Variants in CDYL observed in about 807,000 individuals in gnomAD.
The protein encoded by CDYL is chromodomain Y like.
In CDYL, 8 loss-of-function variants were observed where a neutral mutation model predicts 47.3. The observed-to-expected ratio is 0.17, with a 90% CI of 0.10 to 0.31. CDYL has a LOEUF of 0.31. CDYL is among the 10% of genes least tolerant of loss of function. CDYL has a pLI of 1.00. For synonymous variants in CDYL, 266 were observed against 265.0 expected (o/e 1.00, Z -0.04); for missense variants, 471 against 701.4 (o/e 0.67, Z 3.71).
At chr6:4,825,158 A>G (rs947624446) in intron 1 of CDYL, among the ~76,000 whole-genome samples, 1 of 152,164 alleles carries the variant, frequency 6.6e-6, no homozygotes, top group Non-Finnish European at 1.5e-5. Flanking sequence ...GGCATGAATC[A>G]CCGTGCCCCA....
chr6:4,722,411 T>A (rs530921030), intron 2 of CDYL, among the ~76,000 whole-genome samples: 3 of 151,790 alleles, frequency 2.0e-5, no homozygotes, highest in South Asian at 4.2e-4. Flanking sequence ...AAAGAAAAAA[T>A]TTAAAAAAAC....
chr6:4,894,863 GTATATACACACATGTGTATGTGTGTGTA>G (rs1762153710), intron 2 of CDYL, among the ~76,000 whole-genome samples: 1 of 27,760 alleles, frequency 3.6e-5, no homozygotes, highest in African/African-American at 5.7e-5. Context: ...GTGTATATGT[GTATATACACACATGTGTATGTGTGTGTA>G]TATATACACA....
intron 4 of CDYL, among the ~76,000 whole-genome samples, chr6:4,941,058 TTAATTA>T (rs1209225634): frequency 1.3e-5 from 2 of 152,272 alleles, no homozygotes; most frequent in African/African-American, 4.8e-5. Context: ...AGAGTTTTGT[TTAATTA>T]TAAAGTCTTT....
At chr6:4,850,195 A>G (rs1354487813) in intron 1 of CDYL, among the ~76,000 whole-genome samples, 1 of 152,304 alleles carries the variant, frequency 6.6e-6, no homozygotes, top group East Asian at 1.9e-4. Context: ...CAGTATCACA[A>G]TTCATTCTCT....
chr6:4,774,886 G>A (rs1196422656), upstream of CDYL: 1 of 152,308 alleles, frequency 6.6e-6, no homozygotes, highest in Non-Finnish European at 1.5e-5. Context: ...TGAGCTGGGA[G>A]TTTGTTTCAA....
intron 1 of CDYL, among the ~76,000 whole-genome samples, chr6:4,707,729 G>A (rs530240316): frequency 3.3e-5 from 5 of 152,102 alleles, no homozygotes; most frequent in African/African-American, 1.2e-4. Context: ...CAAAACACTT[G>A]TTATTTTCTG....
chr6:4,897,974 G>C (rs534768066), intron 2 of CDYL, among the ~76,000 whole-genome samples: 1 of 151,732 alleles, frequency 6.6e-6, no homozygotes, highest in South Asian at 2.1e-4. Context: ...GGAGAAAGGC[G>C]TGAACCCAGG....
At chr6:4,861,909 A>G (rs373930739) in intron 1 of CDYL, among the ~76,000 whole-genome samples, 2 of 152,222 alleles carry the variant, frequency 1.3e-5, no homozygotes, top group African/African-American at 2.4e-5. Flanking sequence ...ACCCATGACC[A>G]TCTCCTTAAA....
At chr6:4,834,082 T>C (rs1378420315) in intron 1 of CDYL, among the ~76,000 whole-genome samples, 1 of 150,908 alleles carries the variant, frequency 6.6e-6, no homozygotes, top group East Asian at 1.9e-4. Flanking sequence ...CATTTAAAGT[T>C]AATATTGTTA....
chr6:4,743,809 C>T (rs992645442), intron 3 of CDYL, among the ~76,000 whole-genome samples: 1 of 151,980 alleles, frequency 6.6e-6, no homozygotes, highest in Non-Finnish European at 1.5e-5. Context: ...AGGTGGTAAC[C>T]CCACAGATGT....
intron 3 of CDYL, among the ~76,000 whole-genome samples, chr6:4,760,265 A>T (rs1181060267): frequency 1.3e-5 from 2 of 151,720 alleles, no homozygotes; most frequent in Non-Finnish European, 2.9e-5. Flanking sequence ...GTATCCTGGG[A>T]GCTTAGAGGG....
At chr6:4,710,272 G>T (rs914613563) in intron 1 of CDYL, among the ~76,000 whole-genome samples, 2 of 150,794 alleles carry the variant, frequency 1.3e-5, no homozygotes, top group African/African-American at 4.9e-5. Flanking sequence ...TTTCCATTTT[G>T]ATTGCTGCTC....
intron 2 of CDYL, among the ~76,000 whole-genome samples, chr6:4,892,637 T>G (rs1458764058): frequency 6.6e-6 from 1 of 152,190 alleles, no homozygotes; most frequent in African/African-American, 2.4e-5. Context: ...TATCTCCCTC[T>G]AACTAGGTTA....
chr6:4,855,195 A>G (rs1760970274), intron 1 of CDYL, among the ~76,000 whole-genome samples: 1 of 152,242 alleles, frequency 6.6e-6, no homozygotes. Context: ...AGAACCAATG[A>G]AAGCCCAGTA....
intron 1 of CDYL, among the ~76,000 whole-genome samples, chr6:4,831,246 G>A (rs1426509274): frequency 3.3e-5 from 5 of 152,042 alleles, no homozygotes; most frequent in African/African-American, 1.2e-4. Context: ...ATCTTGAATT[G>A]ATTTTTGTAT....
At chr6:4,751,447 A>G (rs1290710067) in intron 3 of CDYL, among the ~76,000 whole-genome samples, 3 of 152,226 alleles carry the variant, frequency 2.0e-5, no homozygotes, top group Non-Finnish European at 4.4e-5. Flanking sequence ...TGTGAAATTT[A>G]TTTAAGCATT....
intron 2 of CDYL, among the ~76,000 whole-genome samples, chr6:4,731,481 G>T (rs1239705380): frequency 6.6e-6 from 1 of 152,020 alleles, no homozygotes; most frequent in Admixed American, 6.6e-5. Flanking sequence ...TTCCATTATG[G>T]ATCCAAAAAA....
chr6:4,770,979 A>G (rs1336132197), intron 3 of CDYL, among the ~76,000 whole-genome samples: 2 of 152,258 alleles, frequency 1.3e-5, no homozygotes, highest in South Asian at 2.1e-4. Context: ...AAGCATATAT[A>G]TACATGCCTA....
At chr6:4,719,551 T>C (rs1757331431) in intron 2 of CDYL, among the ~76,000 whole-genome samples, 1 of 152,168 alleles carries the variant, frequency 6.6e-6, no homozygotes, top group Non-Finnish European at 1.5e-5. Context: ...ATATTCACTT[T>C]TTAGAGCTTT....
Sources: gnomAD v4.1 joint callset for allele counts (sites outside exome capture counted in the v4.1 genomes callset) on GRCh38, gnomAD v4.1.1 for gene constraint, MANE v1.5 for transcripts, NCBI Gene and HGNC (gene_info 2026-07-23, HGNC 2026-07-21) for gene names.